Variants in USP32 observed in about 807,000 individuals in gnomAD.
USP32 encodes ubiquitin carboxyl-terminal hydrolase 32.
In USP32, 59 loss-of-function variants were observed where a neutral mutation model predicts 204.8. The ratio of observed to expected loss-of-function variants is 0.29; its 90% CI spans 0.23 to 0.36. The LOEUF (loss-of-function observed/expected upper bound fraction) is 0.36. Among genes scored for constraint, USP32 ranks in the 10% least tolerant of loss-of-function variants. The pLI is 1.00. For missense variants in USP32, 1,160 were observed against 1,946.4 expected (o/e 0.60, Z 7.60); for synonymous variants, 517 against 678.4 (o/e 0.76, Z 3.70).
chr17:60,409,822 G>C (rs1200051579), intron 1 of USP32, among the ~76,000 whole-genome samples: 1 of 152,052 alleles, frequency 6.6e-6, no homozygotes, highest in Admixed American at 6.6e-5. Context: ...TAACACTAAT[G>C]ATAGCTCATA....
intron 1 of USP32, among the ~76,000 whole-genome samples, chr17:60,403,157 G>A (rs112518269): frequency 3.4e-4 from 51 of 152,058 alleles, no homozygotes; most frequent in Non-Finnish European, 5.3e-4. Context: ...GTCTACAGGC[G>A]CGCGCCACCA....
intron 5 of USP32, among the ~76,000 whole-genome samples, chr17:60,284,409 CA>C (rs1234185859): frequency 6.0e-5 from 9 of 150,922 alleles, no homozygotes; most frequent in Non-Finnish European, 1.0e-4. Context: ...TTAGTAGAGA[CA>C]GGGGTTTCAC....
intron 2 of USP32, among the ~76,000 whole-genome samples, chr17:60,329,278 G>GTTT (rs538014621): frequency 2.0e-5 from 3 of 147,644 alleles, no homozygotes; most frequent in African/African-American, 7.5e-5. Context: ...GTGTGTGTGT[G>GTTT]TTTTTTTTTT....
At position 60,205,569 on chromosome 17, in the gene USP32, G is replaced by C; in HGVS notation, c.3127C>G (p.Pro1043Ala). 6.2e-7 allele frequency: 1 copy of C among 1,613,952 alleles called. No individual in the cohort carries two copies. Among genetic ancestry groups the C allele is most frequent in the Non-Finnish European group, 8.5e-7 (1 of 1,179,866 alleles). The change falls in exon 26 of 34, where the codon CCA (proline) becomes GCA (alanine). Residue 1043 changes from proline (P) to alanine (A), a missense_variant. Physicochemically the swap from Pro to Ala is conservative, Grantham distance 27. This residue lies in a region of USP32 where 47 missense variants were observed against 71.1 expected (regional missense o/e 0.66). Transcript: ENST00000300896. ...PRPIFIPNGM[P>A]NTVVPCGTEK... Reference sequence around the variant, plus strand: ...GTTCCACATGGCACAACAGTGTTTGGCATTCCATTGGGGATGAATATTGGT... The same window carrying C: ...GTTCCACATGGCACAACAGTGTTTGCCATTCCATTGGGGATGAATATTGGT...
intron 1 of USP32, among the ~76,000 whole-genome samples, chr17:60,401,003 T>C (rs1470603063): frequency 1.3e-5 from 2 of 151,610 alleles, no homozygotes; most frequent in Non-Finnish European, 2.9e-5. Flanking sequence ...ACAAAAAGAT[T>C]TTAAAAAGCT....
At chr17:60,249,897 T>C in intron 11 of USP32, 1 of 475,034 alleles carries the variant, frequency 2.1e-6, no homozygotes, top group South Asian at 2.9e-5. Context: ...AGACAAATAT[T>C]TGTTTCACCT....
intron 16 of USP32, among the ~76,000 whole-genome samples, chr17:60,216,343 C>T (rs2085102234): frequency 1.3e-5 from 2 of 149,164 alleles, no homozygotes; most frequent in Non-Finnish European, 3.0e-5. Context: ...CGCCAAAAAT[C>T]TAGACAAAAC....
At position 60,209,400 on chromosome 17, in the gene USP32, A is replaced by G; in HGVS notation, c.2568T>C (p.Asp856=). Reference sequence around the variant, plus strand: ...CAGCTACTTCCCAGTCTGGTCGCCCATCACTGTCCTTCAGTTCCACATATG... The same window carrying G: ...CAGCTACTTCCCAGTCTGGTCGCCCGTCACTGTCCTTCAGTTCCACATATG... ...EKPYVELKDS[D]GRPDWEVAAE... Residue 856 remains aspartate, a synonymous_variant, in exon 22 of 34, where the codon GAT becomes GAC. Transcript: ENST00000300896. 6.5e-7 allele frequency: 1 copy of G among 1,527,316 alleles called. No individual in the cohort carries two copies. The highest frequency in any genetic ancestry group is 8.8e-7 in the Non-Finnish European group (1 of 1,135,244). 94.6% of individuals were successfully genotyped at this position (1,527,316 alleles called of 1,614,324 possible).
At chr17:60,205,412 A>T in intron 26 of USP32, 35 bp downstream of exon 26, 1 of 1,599,812 alleles carries the variant, frequency 6.3e-7, no homozygotes. Context: ...TGACACTAGC[A>T]AGACTGGCAG....
intron 11 of USP32, among the ~76,000 whole-genome samples, chr17:60,240,636 G>C (rs1205710463): frequency 6.6e-6 from 1 of 152,158 alleles, no homozygotes; most frequent in Non-Finnish European, 1.5e-5. Flanking sequence ...TAGTCTAGAA[G>C]CTCAGCCAGA....
chr17:60,335,922 A>C (rs2088504761), intron 2 of USP32, among the ~76,000 whole-genome samples: 1 of 143,022 alleles, frequency 7.0e-6, no homozygotes, highest in Non-Finnish European at 1.5e-5. Flanking sequence ...ACTTAACCTT[A>C]TTTTCCTTTA....
intron 5 of USP32, among the ~76,000 whole-genome samples, chr17:60,284,853 T>C (rs983045922): frequency 6.6e-6 from 1 of 152,196 alleles, no homozygotes; most frequent in Non-Finnish European, 1.5e-5. Flanking sequence ...CCAGCAATAG[T>C]CATTCCCCTC....
intron 5 of USP32, among the ~76,000 whole-genome samples, chr17:60,272,765 A>C (rs932483510): frequency 1.3e-5 from 2 of 152,184 alleles, no homozygotes; most frequent in Non-Finnish European, 2.9e-5. Context: ...GTAAGCAGAG[A>C]GATTTCATTG....
At chr17:60,391,860 G>T in intron 1 of USP32, 22 bp downstream of exon 1, 1 of 1,585,090 alleles carries the variant, frequency 6.3e-7, no homozygotes. Context: ...CAGGCAGCTC[G>T]CCCAGACCCC....
In USP32 at chr17:60,223,463, T is replaced by A; in HGVS notation, c.1556A>T (p.Gln519Leu). ...CTGATTATCAATAGCCCCTGGTTTC[T>A]GAGGGTTAAGGTGCAACAAAATATT... ...NGNILLHLNPQKPGAIDNQPL... is the reference protein window; with the variant it reads ...NGNILLHLNPLKPGAIDNQPL... Residue 519 changes from glutamine to leucine, a missense_variant, in exon 14 of 34, where the codon CAG becomes CTG. By Grantham distance (113) the Gln-to-Leu change is moderately radical. Coordinates refer to ENST00000300896, the MANE Select transcript of USP32 (RefSeq NM_032582.4). 1 of 1,613,628 alleles carries A rather than the reference T, an allele frequency of 6.2e-7. No homozygotes were observed. Among genetic ancestry groups the A allele is most frequent in the Middle Eastern group, 1.7e-4 (1 of 6,060 alleles).
At chr17:60,253,885 C>T (rs1044086114) in intron 10 of USP32, among the ~76,000 whole-genome samples, 16 of 152,114 alleles carry the variant, frequency 1.1e-4, no homozygotes, top group African/African-American at 3.4e-4. Flanking sequence ...ATAAAGCCAT[C>T]GACTTGAATC....
chr17:60,180,660 G>A (rs1168819714), intron 32 of USP32, 23 bp from the exon 33 acceptor site: 2 of 1,609,888 alleles, frequency 1.2e-6, no homozygotes, highest in African/African-American at 1.3e-5. Context: ...AGAGAGTGGA[G>A]GTATGTTAGC....
intron 22 of USP32, 124 bp from the exon 23 acceptor site, chr17:60,208,952 T>C: frequency 1.0e-6 from 1 of 969,812 alleles, no homozygotes; most frequent in South Asian, 2.5e-5. Context: ...TTACTCTTCA[T>C]TTAACATAAA....
intron 5 of USP32, among the ~76,000 whole-genome samples, chr17:60,274,219 G>C (rs1290616209): frequency 1.3e-5 from 2 of 152,106 alleles, no homozygotes; most frequent in African/African-American, 4.8e-5. Context: ...AGACAGGAAA[G>C]ATTAGTGAGC....
Sources: allele counts gnomAD v4.1 joint callset (sites outside exome capture counted in the v4.1 genomes callset), GRCh38; gene constraint gnomAD v4.1.1; regional missense constraint gnomAD v4.1.1; transcripts MANE v1.5; gene names NCBI Gene and HGNC (gene_info 2026-07-23, HGNC 2026-07-21).